The following HTR2C variants were observed in gnomAD, a reference collection of about 807,000 sequenced individuals.
HTR2C encodes 5-hydroxytryptamine receptor 2C.
Under a neutral mutation model 21.0 loss-of-function variants are expected in HTR2C, and 5 were observed. The ratio of observed to expected loss-of-function variants is 0.24; its 90% CI spans 0.12 to 0.50. The LOEUF (loss-of-function observed/expected upper bound fraction) is 0.50, where lower values mean the gene tolerates loss of function less well. Among genes scored for constraint, HTR2C ranks in the 20% least tolerant of loss-of-function variants. The pLI, the probability that HTR2C is intolerant of heterozygous loss-of-function variation, is 0.98. For missense variants in HTR2C, 271 were observed against 371.2 expected (o/e 0.73, Z 2.22); for synonymous variants, 150 against 145.3 (o/e 1.03, Z -0.23).
At chrX:114,866,838 CT>C (rs1348650838) in intron 5 of HTR2C, among the ~76,000 whole-genome samples, 5 of 111,778 alleles carry the variant, frequency 4.5e-5, no homozygotes, top group Non-Finnish European at 9.4e-5. Flanking sequence ...AGATCTCATT[CT>C]TTTTTTGTGG....
intron 5 of HTR2C, among the ~76,000 whole-genome samples, chrX:114,858,605 C>T (rs2070981954): frequency 1.8e-5 from 2 of 111,711 alleles, no homozygotes; most frequent in South Asian, 7.3e-4. Flanking sequence ...TTGGAATTTT[C>T]AGCGTACCTA....
intron 2 of HTR2C, among the ~76,000 whole-genome samples, chrX:114,670,842 A>G (rs1266864914): frequency 8.9e-6 from 1 of 112,557 alleles, no homozygotes; most frequent in African/African-American, 3.2e-5. Context: ...AAAATATTCA[A>G]GAGCAAATTT....
At chrX:114,879,745 G>A (rs782066834) in intron 5 of HTR2C, among the ~76,000 whole-genome samples, 5 of 110,970 alleles carry the variant, frequency 4.5e-5, no homozygotes, top group Non-Finnish European at 9.5e-5. Context: ...GTTCCATCCA[G>A]TTCGCTGCAA....
intron 4 of HTR2C, among the ~76,000 whole-genome samples, chrX:114,833,558 A>AT (rs1418954519): frequency 9.4e-6 from 1 of 106,740 alleles, no homozygotes; most frequent in Non-Finnish European, 1.9e-5. Context: ...CCCCTTTATC[A>AT]TTTTTTATTG....
chrX:114,781,524 A>G (rs1398041229), intron 4 of HTR2C, among the ~76,000 whole-genome samples: 4 of 108,260 alleles, frequency 3.7e-5, no homozygotes. Flanking sequence ...TTTTTGAGAC[A>G]AAATCTCACT....
In HTR2C at chrX:114,710,152, C is replaced by T. The variant is rs782448618; in HGVS notation, c.-79-16706C>T. On this transcript the variant is annotated intron_variant, in intron 2 of 5. Coordinates refer to ENST00000276198, the MANE Select transcript of HTR2C (RefSeq NM_000868.4). ...TAAAACAGAAAGTTAGAACTTTGCA[C>T]GGTGGCATGTGCCTGTGGTCCCAGC... Among the ~76,000 whole-genome samples the T allele has an allele frequency of 5.5e-4, 61 of 111,527 alleles. 1 individual carries two copies. The highest frequency in any genetic ancestry group is 1.8e-3 in the African/African-American group (56 of 30,750).
At chrX:114,643,780 T>C (rs1443998264) in intron 2 of HTR2C, among the ~76,000 whole-genome samples, 1 of 111,798 alleles carries the variant, frequency 8.9e-6, no homozygotes, top group Non-Finnish European at 1.9e-5. Flanking sequence ...TTTCTCTTAG[T>C]TTTTAGTCTT....
At chrX:114,725,506 T>G (rs1469774505) in intron 2 of HTR2C, among the ~76,000 whole-genome samples, 4 of 112,249 alleles carry the variant, frequency 3.6e-5, no homozygotes, top group African/African-American at 1.3e-4. Flanking sequence ...GGAGCCTTCT[T>G]CTCTCAGCTC....
chrX:114,707,129 A>G (rs1556418355), intron 2 of HTR2C, among the ~76,000 whole-genome samples: 1 of 112,226 alleles, frequency 8.9e-6, no homozygotes, highest in African/African-American at 3.2e-5. Context: ...TTCTAAAAAC[A>G]AATTATTCTT....
intron 2 of HTR2C, among the ~76,000 whole-genome samples, chrX:114,659,636 G>A (rs1286492176): frequency 9.1e-6 from 1 of 110,477 alleles, no homozygotes; most frequent in Non-Finnish European, 1.9e-5. Context: ...TACAATATAG[G>A]ACAGCTATAT....
intron 4 of HTR2C, among the ~76,000 whole-genome samples, chrX:114,836,233 C>T (rs1311904861): frequency 1.8e-5 from 2 of 110,872 alleles, no homozygotes; most frequent in African/African-American, 3.3e-5. Context: ...GTGGGCTCCA[C>T]CCAGTTCGAG....
intron 4 of HTR2C, among the ~76,000 whole-genome samples, chrX:114,830,180 C>T (rs1348626765): frequency 9.0e-6 from 1 of 111,211 alleles, no homozygotes; most frequent in African/African-American, 3.3e-5. Flanking sequence ...TATAGATGGG[C>T]AATTTAATGA....
intron 2 of HTR2C, among the ~76,000 whole-genome samples, chrX:114,655,501 T>C (rs1431066235): frequency 3.6e-5 from 4 of 112,247 alleles, no homozygotes; most frequent in African/African-American, 1.3e-4. Context: ...CATTTTAAAG[T>C]TGTCAATTAC....
At chrX:114,680,777 C>A (rs1556413407) in intron 2 of HTR2C, among the ~76,000 whole-genome samples, 1 of 111,630 alleles carries the variant, frequency 9.0e-6, no homozygotes, top group Non-Finnish European at 1.9e-5. Context: ...AGTCAATATT[C>A]CAGAATGGCA....
At chrX:114,722,024 C>A (rs1441140500) in intron 2 of HTR2C, among the ~76,000 whole-genome samples, 1 of 109,521 alleles carries the variant, frequency 9.1e-6, no homozygotes, top group South Asian at 4.0e-4. Flanking sequence ...TCCATATGAA[C>A]TTTAAAGTAT....
chrX:114,740,091 A>G (rs1335006917), intron 4 of HTR2C, among the ~76,000 whole-genome samples: 4 of 109,823 alleles, frequency 3.6e-5, no homozygotes, highest in Non-Finnish European at 3.8e-5. Context: ...CCTGGGTGAC[A>G]GCCAAACCCT....
chrX:114,840,465 G>A (rs1361002170), intron 4 of HTR2C, among the ~76,000 whole-genome samples: 17 of 110,840 alleles, frequency 1.5e-4, no homozygotes, highest in African/African-American at 3.3e-4. Context: ...TATAGAAATC[G>A]TCCGAAATTA....
At chrX:114,727,157 T>C (rs1382685117) in intron 3 of HTR2C, among the ~76,000 whole-genome samples, 186 bp downstream of exon 3, 1 of 111,922 alleles carries the variant, frequency 8.9e-6, no homozygotes. Context: ...AAAAAAAAAT[T>C]TGGACTCTAA....
intron 4 of HTR2C, chrX:114,775,110 G>T: frequency 1.9e-6 from 1 of 513,581 alleles, no homozygotes; most frequent in South Asian, 2.4e-5. Flanking sequence ...TCTCATCTTT[G>T]ACTGTTGCTT....
Sources: allele counts gnomAD v4.1 joint callset (sites outside exome capture counted in the v4.1 genomes callset), GRCh38; gene constraint gnomAD v4.1.1; transcripts MANE v1.5; gene names NCBI Gene and HGNC (gene_info 2026-07-23, HGNC 2026-07-21).